Variants in LRRTM4 observed in about 807,000 individuals in gnomAD.
The protein encoded by LRRTM4 is leucine rich repeat transmembrane neuronal 4, also known as leucine-rich repeat transmembrane neuronal protein 4.
In LRRTM4, 25 loss-of-function variants were observed where a neutral mutation model predicts 47.6. The observed-to-expected ratio is 0.53, with a 90% CI of 0.38 to 0.73. The LOEUF (loss-of-function observed/expected upper bound fraction) is 0.73, where lower values mean the gene tolerates loss of function less well. LRRTM4 is among the 30% of genes least tolerant of loss of function. The pLI is 0.00. For synonymous variants in LRRTM4, 311 were observed against 269.5 expected (o/e 1.15, Z -1.51); for missense variants, 638 against 713.4 (o/e 0.89, Z 1.20).
intron 3 of LRRTM4, among the ~76,000 whole-genome samples, chr2:77,442,853 A>T (rs1558745588): frequency 6.6e-6 from 1 of 152,176 alleles, no homozygotes; most frequent in Non-Finnish European, 1.5e-5. Flanking sequence ...AGGAGGTCTG[A>T]CTGAGTCAAA....
intron 3 of LRRTM4, among the ~76,000 whole-genome samples, chr2:77,282,973 C>T (rs752595249): frequency 6.6e-6 from 1 of 151,686 alleles, no homozygotes; most frequent in Non-Finnish European, 1.5e-5. Flanking sequence ...GCAATTGCAA[C>T]AAAAACAAAA....
At chr2:77,174,127 T>G (rs1673128112) in intron 3 of LRRTM4, among the ~76,000 whole-genome samples, 2 of 152,022 alleles carry the variant, frequency 1.3e-5, no homozygotes, top group South Asian at 4.1e-4. Context: ...GCCCACCAAA[T>G]GCACCTCCCA....
At chr2:77,101,494 A>G (rs1055357856) in intron 3 of LRRTM4, among the ~76,000 whole-genome samples, 2 of 152,210 alleles carry the variant, frequency 1.3e-5, no homozygotes, top group African/African-American at 2.4e-5. Context: ...GCCAAGCAAT[A>G]TATCCAAATA....
chr2:77,287,775 C>T (rs1381784894), intron 3 of LRRTM4, among the ~76,000 whole-genome samples: 2 of 152,096 alleles, frequency 1.3e-5, no homozygotes, highest in Non-Finnish European at 2.9e-5. Context: ...CAATTAGCTT[C>T]TGTGGCTAAT....
At chr2:77,037,890 C>G (rs2104164648) in intron 3 of LRRTM4, among the ~76,000 whole-genome samples, 1 of 151,800 alleles carries the variant, frequency 6.6e-6, no homozygotes, top group East Asian at 1.9e-4. Context: ...ACATTTATCT[C>G]TGGTTTTCTC....
rs1316609777 is a variant in LRRTM4 at position 76,980,892 on chromosome 2, G to T, written c.1552-231976C>A. ...TTAAATAGATCTTTAAAAAGTTAAT[G>T]AAAATTGGAGGATTACATCTCCTAT... On this transcript the variant is annotated intron_variant, in intron 3 of 3. Transcript: ENST00000409884. 3.3e-5 allele frequency among the ~76,000 whole-genome samples: 5 copies of T among 152,044 alleles called. No homozygotes were observed. The South Asian group carries it at 1.0e-3, about 31-fold the overall frequency.
chr2:77,112,514 T>A (rs1671277849), intron 3 of LRRTM4, among the ~76,000 whole-genome samples: 3 of 152,202 alleles, frequency 2.0e-5, no homozygotes, highest in Non-Finnish European at 4.4e-5. Flanking sequence ...AATTAATAAA[T>A]CTGTAATAGG....
At chr2:77,490,663 T>C (rs965485950) in intron 3 of LRRTM4, among the ~76,000 whole-genome samples, 4 of 151,802 alleles carry the variant, frequency 2.6e-5, no homozygotes, top group Admixed American at 1.3e-4. Flanking sequence ...AGATGATAAA[T>C]CATTAGAGAA....
intron 3 of LRRTM4, among the ~76,000 whole-genome samples, chr2:77,050,821 A>G (rs2103771310): frequency 6.6e-6 from 1 of 152,314 alleles, no homozygotes; most frequent in East Asian, 1.9e-4. Flanking sequence ...ATAAGTAAAT[A>G]CACTTTAACT....
intron 3 of LRRTM4, among the ~76,000 whole-genome samples, chr2:76,919,000 C>T (rs998889468): frequency 6.6e-6 from 1 of 152,074 alleles, no homozygotes; most frequent in Non-Finnish European, 1.5e-5. Flanking sequence ...TTAAAATCAG[C>T]AGAGAAAAGG....
chr2:77,145,246 C>G (rs994921298), intron 3 of LRRTM4, among the ~76,000 whole-genome samples: 1 of 139,684 alleles, frequency 7.2e-6, no homozygotes, highest in Non-Finnish European at 1.6e-5. Context: ...ATATATATAT[C>G]TATATGTGTA....
chr2:76,946,855 A>T (rs1675338393), intron 3 of LRRTM4, among the ~76,000 whole-genome samples: 1 of 151,890 alleles, frequency 6.6e-6, no homozygotes, highest in Admixed American at 6.6e-5. Context: ...TTCAATATGG[A>T]AGAAATTATT....
At chr2:76,802,995 C>T (rs1027667642) in intron 3 of LRRTM4, among the ~76,000 whole-genome samples, 1 of 151,994 alleles carries the variant, frequency 6.6e-6, no homozygotes, top group East Asian at 1.9e-4. Flanking sequence ...TACTATAAAA[C>T]AAGTAGTAGA....
intron 3 of LRRTM4, among the ~76,000 whole-genome samples, chr2:77,166,437 C>T (rs1672888076): frequency 6.6e-6 from 1 of 152,094 alleles, no homozygotes; most frequent in Admixed American, 6.5e-5. Context: ...ACTTTCTTCA[C>T]AGAGTTGGAA....
At chr2:77,004,915 G>A (rs1057305223) in intron 3 of LRRTM4, among the ~76,000 whole-genome samples, 9 of 152,182 alleles carry the variant, frequency 5.9e-5, no homozygotes, top group Admixed American at 2.6e-4. Flanking sequence ...TGACTTGCAT[G>A]GGGCCTGTAA....
chr2:77,143,869 T>C (rs1672188779), intron 3 of LRRTM4, among the ~76,000 whole-genome samples: 1 of 152,214 alleles, frequency 6.6e-6, no homozygotes, highest in Non-Finnish European at 1.5e-5. Context: ...ACTGCCTGTG[T>C]CTTCTGTAAT....
At chr2:77,288,187 C>G (rs2104119096) in intron 3 of LRRTM4, among the ~76,000 whole-genome samples, 1 of 151,680 alleles carries the variant, frequency 6.6e-6, no homozygotes, top group East Asian at 1.9e-4. Flanking sequence ...TAATCAGAAG[C>G]AGAGTGTCAA....
chr2:77,029,059 A>ATATATATATAATATATATATAT (rs1678556238), intron 3 of LRRTM4, among the ~76,000 whole-genome samples: 1 of 145,068 alleles, frequency 6.9e-6, no homozygotes, highest in African/African-American at 2.5e-5. Flanking sequence ...ACAAATATAT[A>ATATATATATAATATATATATAT]TATATATATA....
chr2:76,905,721 C>T lies in LRRTM4; in HGVS notation c.1552-156805G>A, dbSNP rs369415209. On this transcript the variant is annotated intron_variant, in intron 3 of 3. Coordinates refer to ENST00000409884, the MANE Select transcript of LRRTM4 (RefSeq NM_001134745.3). ...AATGCAGAAGCCTCAGGAGCCGATGCGATCAACTGGAAGAAAGGGTATCAG... is the reference window on the plus strand; with the variant it reads ...AATGCAGAAGCCTCAGGAGCCGATGTGATCAACTGGAAGAAAGGGTATCAG... Among the ~76,000 whole-genome samples, 650 of 149,028 alleles carry T rather than the reference C, an allele frequency of 4.4e-3. 21 individuals are homozygous for T. Among genetic ancestry groups the T allele is most frequent in the Admixed American group, 0.035 (519 of 14,656 alleles).
Sources: gnomAD v4.1 joint callset for allele counts (sites outside exome capture counted in the v4.1 genomes callset) on GRCh38, gnomAD v4.1.1 for gene constraint, MANE v1.5 for transcripts, NCBI Gene and HGNC (gene_info 2026-07-23, HGNC 2026-07-21) for gene names.